Variants in ASXL2 observed in about 807,000 individuals in gnomAD.
The protein encoded by ASXL2 is putative Polycomb group protein ASXL2.
ASXL2 carries 23 observed loss-of-function variants against 122.0 expected under a neutral mutation model. The observed-to-expected ratio is 0.19, with a 90% CI of 0.14 to 0.27. The LOEUF (loss-of-function observed/expected upper bound fraction) is 0.27, where lower values mean the gene tolerates loss of function less well. Ranked by LOEUF, ASXL2 falls within the 10% of genes least tolerant of loss-of-function variation. The probability of loss-of-function intolerance (pLI) is 1.00; values close to 1 mark genes in which losing one functional copy is unlikely to be tolerated. For synonymous variants in ASXL2, 650 were observed against 637.0 expected (o/e 1.02, Z -0.31); for missense variants, 1,518 against 1,713.8 (o/e 0.89, Z 2.02).
rs947320415 is a variant in ASXL2 at position 25,735,197 on chromosome 2, G to A, written c.*6832C>T. 6.6e-6 allele frequency: 1 copy of A among 152,084 alleles called. No individual in the cohort carries two copies. The highest frequency in any genetic ancestry group is 1.5e-5 in the Non-Finnish European group (1 of 68,024). The allele number at this position is 152,084 out of a possible 1,614,324, so 9.4% of individuals were successfully genotyped here. On this transcript the variant is annotated 3_prime_UTR_variant, in exon 13 of 13. Transcript: ENST00000435504. ...CTCCTTCCAGGGAATGCCTTTTTAG[G>A]TTAAGGCAGAAAGTTACATGGAAGT...
At chr2:25,759,809 C>T (rs916387894) in intron 8 of ASXL2, among the ~76,000 whole-genome samples, 164 bp from the exon 9 acceptor site, 2 of 151,170 alleles carry the variant, frequency 1.3e-5, no homozygotes, top group African/African-American at 4.8e-5. Context: ...CTAAGACTAA[C>T]AAAACAAGTT....
At chr2:25,872,745 A>C (rs2089971468) in intron 1 of ASXL2, among the ~76,000 whole-genome samples, 1 of 152,174 alleles carries the variant, frequency 6.6e-6, no homozygotes, top group African/African-American at 2.4e-5. Flanking sequence ...GATAACTGTT[A>C]ATGAAAACAG....
At chr2:25,842,812 GT>G (rs1169367029) in intron 2 of ASXL2, among the ~76,000 whole-genome samples, 5 of 148,742 alleles carry the variant, frequency 3.4e-5, no homozygotes, top group East Asian at 2.0e-4. Flanking sequence ...ATATATATAT[GT>G]TTTTTTTGTT....
intron 2 of ASXL2, 41 bp downstream of exon 2, chr2:25,845,440 C>T: frequency 7.4e-7 from 1 of 1,349,224 alleles, no homozygotes; most frequent in Non-Finnish European, 9.9e-7. Context: ...ATACTCTGAT[C>T]AAGTATTATA....
chr2:25,819,619 C>A, intron 3 of ASXL2, among the ~76,000 whole-genome samples: 1 of 152,096 alleles, frequency 6.6e-6, no homozygotes, highest in East Asian at 1.9e-4. Context: ...AATTGAGAAA[C>A]AATCTGCAAA....
chr2:25,857,129 T>G (rs1381450191), intron 1 of ASXL2, among the ~76,000 whole-genome samples: 6 of 145,490 alleles, frequency 4.1e-5, no homozygotes, highest in Non-Finnish European at 7.5e-5. Context: ...AATAAAGCAA[T>G]TCAAAAAACA....
Position 25,737,589 on chromosome 2 carries a change from T to G in ASXL2, c.*4440A>C, listed in dbSNP as rs2087757515. On this transcript the variant is annotated 3_prime_UTR_variant, in exon 13 of 13. Transcript: ENST00000435504. ...TCTTCCATACAATCTGTGGGAACCA[T>G]CCCATAGGAGTATAAGGCAGTAACT... 6.6e-6 allele frequency: 1 copy of G among 152,132 alleles called. No homozygotes were observed. The highest frequency in any genetic ancestry group is 2.4e-5 in the African/African-American group (1 of 41,430). The allele number at this position is 152,132 out of a possible 1,614,324, so 9.4% of individuals were successfully genotyped here.
Position 25,741,776 on chromosome 2 carries a change from T to C in ASXL2, c.*253A>G, listed in dbSNP as rs2087831185. ...AAATAATGTTAAACAAAATGTGACA[T>C]ATTTACATGATTTTGTAAGTGCAAA... On this transcript the variant is annotated 3_prime_UTR_variant, in exon 13 of 13. Coordinates refer to ENST00000435504, the MANE Select transcript of ASXL2 (RefSeq NM_018263.6). 4.4e-6 allele frequency: 2 copies of C among 450,502 alleles called. No individual in the cohort carries two copies. Among genetic ancestry groups the C allele is most frequent in the Non-Finnish European group, 7.9e-6 (2 of 252,526 alleles). The allele number at this position is 450,502 out of a possible 1,614,324, so 27.9% of individuals were successfully genotyped here. A position where few individuals can be genotyped will look rare whatever the true frequency, so the allele number is the denominator to read the frequency against.
At chr2:25,872,062 A>G (rs1007315405) in intron 1 of ASXL2, among the ~76,000 whole-genome samples, 2 of 152,252 alleles carry the variant, frequency 1.3e-5, no homozygotes, top group African/African-American at 4.8e-5. Flanking sequence ...AATGTAAAGC[A>G]GAGATCAGAG....
At chr2:25,795,185 T>C (rs2088894545) in intron 5 of ASXL2, among the ~76,000 whole-genome samples, 1 of 152,168 alleles carries the variant, frequency 6.6e-6, no homozygotes. Context: ...CTAGGCTTTA[T>C]TATAGACTAC....
At chr2:25,843,878 G>A (rs374460277) in intron 2 of ASXL2, among the ~76,000 whole-genome samples, 1 of 150,558 alleles carries the variant, frequency 6.6e-6, no homozygotes, top group East Asian at 1.9e-4. Context: ...TCTAGAACAT[G>A]CAATGGCTAT....
chr2:25,876,156 A>G (rs1667722344), intron 1 of ASXL2, among the ~76,000 whole-genome samples: 1 of 152,208 alleles, frequency 6.6e-6, no homozygotes, highest in African/African-American at 2.4e-5. Flanking sequence ...TGTATTTGCC[A>G]GAATCAAAGA....
At chr2:25,791,690 C>T (rs2088837186) in intron 5 of ASXL2, among the ~76,000 whole-genome samples, 1 of 152,114 alleles carries the variant, frequency 6.6e-6, no homozygotes, top group Admixed American at 6.6e-5. Context: ...ATAACACATC[C>T]TGTCTTCCCT....
intron 1 of ASXL2, among the ~76,000 whole-genome samples, chr2:25,874,636 G>A (rs929529815): frequency 6.6e-6 from 1 of 152,144 alleles, no homozygotes; most frequent in Admixed American, 6.5e-5. Context: ...TGGTGACAAA[G>A]TGAGACCCTG....
At chr2:25,795,582 C>T (rs937741592) in intron 5 of ASXL2, among the ~76,000 whole-genome samples, 1 of 152,014 alleles carries the variant, frequency 6.6e-6, no homozygotes, top group African/African-American at 2.4e-5. Flanking sequence ...AAGCAAGGGC[C>T]CCAAGTATAT....
chr2:25,863,390 G>A (rs1051812235), intron 1 of ASXL2, among the ~76,000 whole-genome samples: 7 of 146,556 alleles, frequency 4.8e-5, no homozygotes, highest in African/African-American at 1.8e-4. Flanking sequence ...TGAGTTCTCT[G>A]GAACTTAAAA....
chr2:25,782,204 T>C (rs1000472711), intron 5 of ASXL2, among the ~76,000 whole-genome samples: 1 of 152,086 alleles, frequency 6.6e-6, no homozygotes, highest in African/African-American at 2.4e-5. Context: ...TTCTGATTCT[T>C]GTCGCCGGTT....
intron 1 of ASXL2, among the ~76,000 whole-genome samples, chr2:25,870,547 C>T (rs1396119945): frequency 6.6e-6 from 1 of 152,072 alleles, no homozygotes; most frequent in East Asian, 1.9e-4. Flanking sequence ...TGGCACATCC[C>T]TGTTGTCCTG....
Position 25,845,525 on chromosome 2 carries a change from T to A in ASXL2, c.96A>T (p.Lys32Asn). The change falls in exon 2 of 13, where the codon AAA (lysine) becomes AAT (asparagine). Residue 32 changes from lysine to asparagine, a missense_variant. By Grantham distance (94) the Lys-to-Asn change is moderately conservative. Coordinates refer to ENST00000435504, the MANE Select transcript of ASXL2 (RefSeq NM_018263.6). ...CTCTCTGGATAACTTGAAGAATTTCTTTATGACTCATGGGTGTATTGGGGT... is the reference window on the plus strand; with the variant it reads ...CTCTCTGGATAACTTGAAGAATTTCATTATGACTCATGGGTGTATTGGGGT... ...EKYPNTPMSHKEILQVIQREG... is the reference protein window; with the variant it reads ...EKYPNTPMSHNEILQVIQREG... 6.6e-7 allele frequency: 1 copy of A among 1,510,030 alleles called. No homozygotes were observed. The highest frequency in any genetic ancestry group is 2.5e-5 in the East Asian group (1 of 40,590). The allele number at this position is 1,510,030 out of a possible 1,614,324, so 93.5% of individuals were successfully genotyped here.
Sources: allele counts gnomAD v4.1 joint callset (sites outside exome capture counted in the v4.1 genomes callset), GRCh38; gene constraint gnomAD v4.1.1; transcripts MANE v1.5; gene names NCBI Gene and HGNC (gene_info 2026-07-23, HGNC 2026-07-21).